The following LAMA5 variants were observed in gnomAD, a reference collection of about 807,000 sequenced individuals.
The protein encoded by LAMA5 is laminin subunit alpha 5.
In LAMA5, 260 loss-of-function variants were observed where a neutral mutation model predicts 433.4. The ratio of observed to expected loss-of-function variants is 0.60; its 90% CI spans 0.54 to 0.66. The LOEUF is 0.66. Ranked by LOEUF, LAMA5 falls within the 30% of genes least tolerant of loss-of-function variation. LAMA5 has a pLI of 0.00. For synonymous variants in LAMA5, 2,620 were observed against 2,226.6 expected, an observed-to-expected ratio of 1.18 and a Z score of -4.97; for missense variants, 5,378 against 5,258.5, an observed-to-expected ratio of 1.02 and a Z score of -0.70.
intron 40 of LAMA5, among the ~76,000 whole-genome samples, chr20:62,326,018 C>T (rs534946926): frequency 8.5e-5 from 13 of 152,072 alleles, no homozygotes; most frequent in Admixed American, 4.6e-4. Context: ...GTCAGGAGTT[C>T]GAGACCAGCC....
At position 62,324,143 on chromosome 20, in the gene LAMA5, C is replaced by A. The variant is rs1354873219; in HGVS notation, c.5705G>T (p.Ser1902Ile). ...CERCQAGFVS[S>I]RDDPSAPCVS... ...ACAGGGGGCGCTGGGGTCGTCCCTG[C>A]TGCTCACGAAGCCAGCCTGGCAGCG... Residue 1902 changes from serine (S) to isoleucine (I), a missense_variant, in exon 43 of 80, where the codon AGC becomes ATC. Ser to Ile is a moderately radical substitution (Grantham distance 142, BLOSUM62 -2). Transcript: ENST00000252999. This position sits in a 1 kb window ranked among gnomAD's most constrained non-coding sequence, Gnocchi z 4.4. The A allele has an allele frequency of 6.4e-7, 1 of 1,556,056 alleles. No individual in the cohort carries two copies. The highest frequency in any genetic ancestry group is 8.6e-7 in the Non-Finnish European group (1 of 1,159,536).
rs116116413 is a variant in LAMA5 at position 62,324,883 on chromosome 20, C to T, written c.5530-329G>A. ...CCACTCCTTCTAGGAGGTATTCAAC[C>T]ACAAACCTCCTCATACAGAAGGAGC... On this transcript the variant is annotated intron_variant, in intron 41 of 79. Transcript: ENST00000252999. This position sits in a 1 kb window ranked among gnomAD's most constrained non-coding sequence, Gnocchi z 4.4. 3.3e-3 allele frequency: 1,330 copies of T among 405,888 alleles called. 15 individuals carry two copies. Among genetic ancestry groups the T allele is most frequent in the African/African-American group, 0.024 (1,205 of 49,918 alleles). The allele number at this position is 405,888 out of a possible 1,614,324, so 25.1% of individuals were successfully genotyped here. A position where few individuals can be genotyped will look rare whatever the true frequency, so the allele number is the denominator to read the frequency against.
chr20:62,336,191 GA>G (rs1981593800), intron 18 of LAMA5, 148 bp downstream of exon 18: 2 of 573,498 alleles, frequency 3.5e-6, no homozygotes, highest in African/African-American at 4.0e-5. Context: ...AATCCCCGAG[GA>G]ACCCCATATC....
chr20:62,321,010 T>C, intron 48 of LAMA5, 120 bp from the exon 49 acceptor site: 1 of 1,104,416 alleles, frequency 9.1e-7, no homozygotes, highest in Non-Finnish European at 1.3e-6. Flanking sequence ...GAGGTCAGCT[T>C]AGGGACACAG....
intron 2 of LAMA5, among the ~76,000 whole-genome samples, chr20:62,357,457 C>T (rs376936174): frequency 1.7e-3 from 259 of 152,268 alleles, no homozygotes; most frequent in African/African-American, 5.9e-3. Flanking sequence ...TGCCTCCCCT[C>T]GAAGAGACCC....
chr20:62,361,976 G>A (rs1986176785), intron 2 of LAMA5, among the ~76,000 whole-genome samples: 1 of 152,092 alleles, frequency 6.6e-6, no homozygotes, highest in African/African-American at 2.4e-5. Context: ...GGTATCCCAG[G>A]AATGTCCACT....
chr20:62,310,070 C>A lies in LAMA5; in HGVS notation c.10746G>T (p.Arg3582=), dbSNP rs972973246. Residue 3582 remains arginine, a synonymous_variant, in exon 78 of 80, where the codon CGG becomes CGT. Coordinates refer to ENST00000252999, the MANE Select transcript of LAMA5 (RefSeq NM_005560.6). ...AGAACTCCCCTGCTCCGTCATCCGC[C>A]CGCAGCAGGACCTGGCGGGGTAGGA... ...LQVTEKQVLL[R]ADDGAGEFST... The A allele has an allele frequency of 1.2e-6, 2 of 1,610,898 alleles. No homozygotes were observed. The highest frequency in any genetic ancestry group is 2.7e-5 in the African/African-American group (2 of 74,922).
chr20:62,329,890 G>C lies in LAMA5; in HGVS notation c.4006C>G (p.His1336Asp). 6.2e-7 allele frequency: 1 copy of C among 1,612,152 alleles called. No homozygotes were observed. Among genetic ancestry groups the C allele is most frequent in the South Asian group, 1.1e-5 (1 of 91,012 alleles). ...ACCAGGGTGCGGCAGCCGTAGCCAT[G>C]TGGACAGAAGCTGGCGTTGGCGTGG... ...QGHANASFCP[H>D]GYGCRTLVVC... The change falls in exon 32 of 80, where the codon CAT (histidine) becomes GAT (aspartate). Residue 1336 changes from histidine (H) to aspartate (D), a missense_variant. His to Asp is a moderately conservative substitution (Grantham distance 81). Transcript: ENST00000252999.
Position 62,316,746 on chromosome 20 carries a change from G to T in LAMA5, c.7681C>A (p.Arg2561=), listed in dbSNP as rs1172350215. 1 of 1,608,286 alleles carries T rather than the reference G, an allele frequency of 6.2e-7. No individual in the cohort carries two copies. Among genetic ancestry groups the T allele is most frequent in the Non-Finnish European group, 8.5e-7 (1 of 1,177,624 alleles). Residue 2561 remains arginine, a synonymous_variant, in exon 57 of 80, where the codon CGA becomes AGA. Coordinates refer to ENST00000252999, the MANE Select transcript of LAMA5 (RefSeq NM_005560.6). Reference sequence around the variant, plus strand: ...CTGTTGGCCAGGAGCTGCTGGGCTCGGTCCACCAGGCCCTGCCGCACCACC... The same window carrying T: ...CTGTTGGCCAGGAGCTGCTGGGCTCTGTCCACCAGGCCCTGCCGCACCACC... ...ATVVRQGLVD[R]AQQLLANSTA...
At chr20:62,364,483 G>A (rs138015919) in intron 1 of LAMA5, among the ~76,000 whole-genome samples, 1,678 of 152,318 alleles carry the variant, frequency 0.011, 16 homozygotes, top group Middle Eastern at 0.041. Flanking sequence ...TTATTGGGAG[G>A]CAGTTCCAGT....
Position 62,323,770 on chromosome 20 carries a change from G to A in LAMA5, c.5849+6C>T. ...GCCCTGCCCCACTGCCCTAGCCCCAGCTCACCGCTCGCAGGAGGCACCTGC... is the reference window on the plus strand; with the variant it reads ...GCCCTGCCCCACTGCCCTAGCCCCAACTCACCGCTCGCAGGAGGCACCTGC... On this transcript the variant is annotated splice_donor_region_variant and intron_variant, in intron 44 of 79. Coordinates refer to ENST00000252999, the MANE Select transcript of LAMA5 (RefSeq NM_005560.6). 2 of 1,608,668 alleles carry A rather than the reference G, an allele frequency of 1.2e-6. No individual in the cohort carries two copies. The highest frequency in any genetic ancestry group is 1.7e-6 in the Non-Finnish European group (2 of 1,177,738).
chr20:62,335,054 C>T lies in LAMA5; in HGVS notation c.2449G>A (p.Gly817Arg). 1 of 1,613,014 alleles carries T rather than the reference C, an allele frequency of 6.2e-7. No homozygotes were observed. Among genetic ancestry groups the T allele is most frequent in the Non-Finnish European group, 8.5e-7 (1 of 1,179,716 alleles). ...CCAAAATAGTCAGCCTGATCCAGTC[C>T]AAAGAAGCCATCCTTGCAGGACGCG... ...ACASCKDGFF[G>R]LDQADYFGCR... Residue 817 changes from glycine (G) to arginine (R), a missense_variant, in exon 20 of 80, where the codon GGA (glycine) becomes AGA (arginine). Transcript: ENST00000252999.
rs1182096708 is a variant in LAMA5 at position 62,310,041 on chromosome 20, G to A, written c.10775C>T (p.Thr3592Met). Residue 3592 changes from threonine (T) to methionine (M), a missense_variant, in exon 78 of 80, where the codon ACG (threonine) becomes ATG (methionine). Coordinates refer to ENST00000252999, the MANE Select transcript of LAMA5 (RefSeq NM_005560.6). ...RADDGAGEFSTSVTRPSVLCD... is the reference protein window; with the variant it reads ...RADDGAGEFSMSVTRPSVLCD... ...CAGCACTGAGGGGCGGGTCACTGAC[G>A]TGGAGAACTCCCCTGCTCCGTCATC... 16 of 1,611,236 alleles carry A rather than the reference G, an allele frequency of 9.9e-6. No individual in the cohort carries two copies. Among genetic ancestry groups the A allele is most frequent in the East Asian group, 4.5e-5 (2 of 44,880 alleles).
At chr20:62,316,603 G>T in intron 57 of LAMA5, 68 bp downstream of exon 57, 1 of 1,250,992 alleles carries the variant, frequency 8.0e-7, no homozygotes, top group Non-Finnish European at 1.1e-6. Flanking sequence ...TGTGGCTGGG[G>T]GCTGAGGGTC....
intron 30 of LAMA5, 48 bp downstream of exon 30, chr20:62,330,695 G>A (rs574002150): frequency 5.3e-5 from 83 of 1,556,824 alleles, no homozygotes; most frequent in Admixed American, 4.5e-4. Flanking sequence ...GTTGGGACCC[G>A]GAGTCCTGCC....
At chr20:62,339,308 G>C (rs1478153127) in intron 11 of LAMA5, among the ~76,000 whole-genome samples, 1 of 136,500 alleles carries the variant, frequency 7.3e-6, no homozygotes, top group Non-Finnish European at 1.5e-5. Flanking sequence ...CACGATCTGG[G>C]CTCACTGCAA....
chr20:62,335,471 T>C (rs1981402700), intron 18 of LAMA5, among the ~76,000 whole-genome samples: 1 of 133,138 alleles, frequency 7.5e-6, no homozygotes, highest in East Asian at 2.3e-4. Flanking sequence ...ACCCCAACAC[T>C]CCCTCCAGAG....
chr20:62,314,094 T>G (rs1297919316), intron 62 of LAMA5, among the ~76,000 whole-genome samples: 52 of 1,672 alleles, frequency 0.031, 14 homozygotes, highest in South Asian at 0.21. Flanking sequence ...GGGTGGCGAG[T>G]GGGCACAGAC....
At position 62,314,569 on chromosome 20, in the gene LAMA5, T is replaced by C. The variant is rs1986722055; in HGVS notation, c.8353A>G (p.Met2785Val). ...CAGCCTGGTACCTGGCGGCTGCCCATGTACATCACAAAGCGATCCTCGGTA... is the reference window on the plus strand; with the variant it reads ...CAGCCTGGTACCTGGCGGCTGCCCACGTACATCACAAAGCGATCCTCGGTA... Reference protein sequence around the residue: ...QGTEDRFVMYMGSRQATGDYM... With the variant: ...QGTEDRFVMYVGSRQATGDYM... The change falls in exon 61 of 80, where the codon ATG becomes GTG. Residue 2785 changes from methionine (M) to valine (V), a missense_variant. Met to Val is a conservative substitution (Grantham distance 21). Transcript: ENST00000252999. 7 of 1,610,052 alleles carry C rather than the reference T, an allele frequency of 4.3e-6. No individual in the cohort carries two copies. Among genetic ancestry groups the C allele is most frequent in the African/African-American group, 1.3e-5 (1 of 74,838 alleles).
Sources: gnomAD v4.1 joint callset for allele counts (sites outside exome capture counted in the v4.1 genomes callset) on GRCh38, gnomAD v4.1.1 for gene constraint, Gnocchi (gnomAD v3.1) non-coding constraint, MANE v1.5 for transcripts, NCBI Gene and HGNC (gene_info 2026-07-23, HGNC 2026-07-21) for gene names.